Variants in HDAC1 observed in about 807,000 individuals in gnomAD.
The protein encoded by HDAC1 is protein deacetylase HDAC1.
A neutral mutation model predicts 65.5 loss-of-function variants in HDAC1; 18 were observed. The observed-to-expected ratio is 0.27, with a 90% CI of 0.19 to 0.41. The LOEUF (loss-of-function observed/expected upper bound fraction) is 0.41. HDAC1 is among the 10% of genes least tolerant of loss of function. The pLI, the probability that HDAC1 is intolerant of heterozygous loss-of-function variation, is 1.00. For synonymous variants in HDAC1, 211 were observed against 227.9 expected (o/e 0.93, Z 0.67); for missense variants, 373 against 625.2 (o/e 0.60, Z 4.30).
chr1:32,322,536 T>C (rs1233492073), intron 3 of HDAC1, among the ~76,000 whole-genome samples: 1 of 152,202 alleles, frequency 6.6e-6, no homozygotes, highest in Non-Finnish European at 1.5e-5. Context: ...CCCAAAGTGC[T>C]GGGATTACAG....
chr1:32,329,250 C>A lies in HDAC1; in HGVS notation c.729+90C>A. 1 of 807,340 alleles carries A rather than the reference C, an allele frequency of 1.2e-6. No individual in the cohort carries two copies. Among genetic ancestry groups the A allele is most frequent in the Non-Finnish European group, 2.2e-6 (1 of 449,518 alleles). 50.0% of individuals were successfully genotyped at this position (807,340 alleles called of 1,614,324 possible). A position where few individuals can be genotyped will look rare whatever the true frequency, so the allele number is the denominator to read the frequency against. ...AGCACCCCCACCATACCTCAGGAAT[C>A]TCTCCTTACTAAAGCTGGTGGGGAG... On this transcript the variant is annotated intron_variant, in intron 7 of 13. Transcript: ENST00000373548. This position sits in a 1 kb window ranked among gnomAD's most constrained non-coding sequence, Gnocchi z 4.1.
chr1:32,296,954 A>G (rs1453110477), intron 1 of HDAC1, among the ~76,000 whole-genome samples: 1 of 152,100 alleles, frequency 6.6e-6, no homozygotes. Context: ...GAAAAGTTCA[A>G]ATGGAGGTAA....
intron 3 of HDAC1, among the ~76,000 whole-genome samples, chr1:32,323,266 A>T (rs923084042): frequency 6.6e-6 from 1 of 151,276 alleles, no homozygotes; most frequent in Non-Finnish European, 1.5e-5. Context: ...ACTTCACTAT[A>T]CTCCAGCCTG....
chr1:32,301,463 A>C (rs1640847507), intron 1 of HDAC1, among the ~76,000 whole-genome samples: 1 of 136,224 alleles, frequency 7.3e-6, no homozygotes, highest in South Asian at 2.5e-4. Context: ...TAAATAAATA[A>C]AGTAAAAGAA....
chr1:32,302,518 A>T, intron 1 of HDAC1, 103 bp from the exon 2 acceptor site: 3 of 588,662 alleles, frequency 5.1e-6, no homozygotes, highest in Non-Finnish European at 6.4e-6. Context: ...ACTAGAAATG[A>T]GCCAGAAAGA....
intron 1 of HDAC1, among the ~76,000 whole-genome samples, chr1:32,297,916 A>T (rs1640791237): frequency 7.1e-6 from 1 of 140,164 alleles, no homozygotes; most frequent in Non-Finnish European, 1.5e-5. Context: ...CAGCCTCCCG[A>T]GTAACTGGTA....
In HDAC1 at chr1:32,327,712, C is replaced by T; in HGVS notation, c.636+35C>T. 6.2e-7 allele frequency: 1 copy of T among 1,607,988 alleles called. No individual in the cohort carries two copies. The highest frequency in any genetic ancestry group is 2.2e-5 in the East Asian group (1 of 44,856). Reference sequence around the variant, plus strand: ...CCCTTTAGGAGCCAACCGGCTTACCCTCAGCTGGCAGCTCTACTTCTCTCT... The same window carrying T: ...CCCTTTAGGAGCCAACCGGCTTACCTTCAGCTGGCAGCTCTACTTCTCTCT... On this transcript the variant is annotated intron_variant, in intron 6 of 13. Transcript: ENST00000373548. The surrounding 1 kb of genome is among the most constrained non-coding windows in gnomAD (Gnocchi z 6.0).
At chr1:32,320,633 C>G (rs554825738) in intron 3 of HDAC1, among the ~76,000 whole-genome samples, 1 of 152,194 alleles carries the variant, frequency 6.6e-6, no homozygotes, top group Admixed American at 6.5e-5. Context: ...GGCAGGGTAG[C>G]TCATGCCTGT....
At chr1:32,302,763 A>G (rs1557601062) in intron 2 of HDAC1, 30 bp downstream of exon 2, 1 of 957,486 alleles carries the variant, frequency 1.0e-6, no homozygotes, top group Non-Finnish European at 1.7e-6. Flanking sequence ...ACCGCTCCCT[A>G]ACCTCATCTG....
chr1:32,323,819 G>A (rs879460569), intron 3 of HDAC1, among the ~76,000 whole-genome samples: 3 of 152,174 alleles, frequency 2.0e-5, no homozygotes, highest in Admixed American at 1.3e-4. Context: ...CGCAGTGAAC[G>A]ATAGTTCTCT....
chr1:32,324,583 T>C, intron 4 of HDAC1, 30 bp downstream of exon 4: 1 of 1,445,954 alleles, frequency 6.9e-7, no homozygotes, highest in Non-Finnish European at 9.7e-7. Context: ...TCCCCAGGGG[T>C]AGACTGGGTT....
chr1:32,333,141 A>C lies in HDAC1; in HGVS notation c.*97A>C. On this transcript the variant is annotated 3_prime_UTR_variant, in exon 14 of 14. Transcript: ENST00000373548. ...TTCTATTTCTCTGTGTATTTATATA[A>C]AAATTTATTAAATATAAATATCCCC... 1 of 990,708 alleles carries C rather than the reference A, an allele frequency of 1.0e-6. No individual in the cohort carries two copies. Among genetic ancestry groups the C allele is most frequent in the Admixed American group, 2.6e-5 (1 of 38,292 alleles). 61.4% of individuals were successfully genotyped at this position (990,708 alleles called of 1,614,324 possible). A position where few individuals can be genotyped will look rare whatever the true frequency, so the allele number is the denominator to read the frequency against.
At chr1:32,328,976 CTT>C (rs917206747) in intron 6 of HDAC1, 90 bp from the exon 7 acceptor site, 48 of 823,956 alleles carry the variant, frequency 5.8e-5, no homozygotes, top group Non-Finnish European at 9.5e-5. Flanking sequence ...GCTTGTCTCT[CTT>C]GAACCTCTTC....
At chr1:32,302,527 G>A in intron 1 of HDAC1, 94 bp from the exon 2 acceptor site, 8 of 588,772 alleles carry the variant, frequency 1.4e-5, no homozygotes, top group East Asian at 3.3e-5. Context: ...GAGCCAGAAA[G>A]AATTTGACTG....
At chr1:32,310,741 T>G (rs1316176790) in intron 2 of HDAC1, among the ~76,000 whole-genome samples, 1 of 151,272 alleles carries the variant, frequency 6.6e-6, no homozygotes, top group Non-Finnish European at 1.5e-5. Context: ...TCCCAGCTAC[T>G]CGGGAGGCTG....
chr1:32,292,386 G>A, intron 1 of HDAC1, 168 bp downstream of exon 1: 2 of 985,312 alleles, frequency 2.0e-6, no homozygotes, highest in Non-Finnish European at 2.4e-6. Context: ...AGGCTGCGAG[G>A]AAGGGAGATC....
At chr1:32,304,110 GGCTGGAGGTGATGTT>G in intron 2 of HDAC1, among the ~76,000 whole-genome samples, 1 of 152,264 alleles carries the variant, frequency 6.6e-6, no homozygotes. Flanking sequence ...AATAAAGAGG[GGCTGGAGGTGATGTT>G]GCCTTACTAC....
rs1433137831 is a variant in HDAC1, at chr1:32,327,081, T to C, written c.494+4T>C. On this transcript the variant is annotated splice_donor_region_variant and intron_variant, in intron 5 of 13. Coordinates refer to ENST00000373548, the MANE Select transcript of HDAC1 (RefSeq NM_004964.3). This position sits in a 1 kb window ranked among gnomAD's most constrained non-coding sequence, Gnocchi z 6.0. ...TGGCCATCCTGGAACTGCTAAAGTATGCCTGCCTGGCCTTGTCTCTTGGAA... is the reference window on the plus strand; with the variant it reads ...TGGCCATCCTGGAACTGCTAAAGTACGCCTGCCTGGCCTTGTCTCTTGGAA... The C allele has an allele frequency of 6.2e-7, 1 of 1,613,938 alleles. No individual in the cohort carries two copies.
chr1:32,324,814 A>G (rs1641195725), intron 4 of HDAC1, among the ~76,000 whole-genome samples: 1 of 152,128 alleles, frequency 6.6e-6, no homozygotes, highest in Admixed American at 6.5e-5. Flanking sequence ...AAAAAATAAA[A>G]TAAGTAAAAA....
Sources: gnomAD v4.1 joint callset for allele counts (sites outside exome capture counted in the v4.1 genomes callset) on GRCh38, gnomAD v4.1.1 for gene constraint, Gnocchi (gnomAD v3.1) non-coding constraint, MANE v1.5 for transcripts, NCBI Gene and HGNC (gene_info 2026-07-23, HGNC 2026-07-21) for gene names.